The following SMIM10L2A variants were observed in gnomAD, a reference collection of about 807,000 sequenced individuals.
The protein encoded by SMIM10L2A is small integral membrane protein 10 like 2A.
Under a neutral mutation model 3.0 loss-of-function variants are expected in SMIM10L2A, and 2 were observed. The ratio of observed to expected loss-of-function variants is 0.66; its 90% CI spans 0.27 to 2.08. The LOEUF is 2.08. Ranked by LOEUF, SMIM10L2A falls within the 30% of genes most tolerant of loss-of-function variation. The pLI is 0.14. For synonymous variants in SMIM10L2A, 29 were observed against 34.8 expected (o/e 0.83, Z 0.58); for missense variants, 59 against 66.5 (o/e 0.89, Z 0.39).
At chrX:135,423,584 G>T (rs782437377) in intron 1 of SMIM10L2A, 49 bp from the exon 2 acceptor site, 5 of 114,033 alleles carry the variant, frequency 4.4e-5, no homozygotes, top group African/African-American at 1.6e-4. Flanking sequence ...GCAAGGACGT[G>T]TCTGGTGGCC....
rs894873335 is a variant in SMIM10L2A at position 135,427,716 on chromosome X, G to T, written c.*4446G>T. Reference sequence around the variant, plus strand: ...TATTATGTATTTTCCTACATCCAAAGCTACCTAGTATCTCTTTTGTATGAA... The same window carrying T: ...TATTATGTATTTTCCTACATCCAAATCTACCTAGTATCTCTTTTGTATGAA... On this transcript the variant is annotated 3_prime_UTR_variant, in exon 2 of 2. Coordinates refer to ENST00000417443, the MANE Select transcript of SMIM10L2A (RefSeq NM_203306.3). The T allele has an allele frequency of 1.2e-4, 14 of 112,323 alleles. No homozygotes were observed. The East Asian group carries it at 3.9e-3, about 31-fold the overall frequency. 9.3% of individuals were successfully genotyped at this position (112,323 alleles called of 1,213,427 possible).
chrX:135,422,089 A>C lies in SMIM10L2A; in HGVS notation c.-43A>C, dbSNP rs1176998280. Reference sequence around the variant, plus strand: ...CCCACCGCCCTGAGGCTCGCGCTCGAGCGGGTCAGTCGGTCGGCGGGGCCT... The same window carrying C: ...CCCACCGCCCTGAGGCTCGCGCTCGCGCGGGTCAGTCGGTCGGCGGGGCCT... On this transcript the variant is annotated 5_prime_UTR_variant, in exon 1 of 2. Coordinates refer to ENST00000417443, the MANE Select transcript of SMIM10L2A (RefSeq NM_203306.3). The C allele has an allele frequency of 1.3e-5, 4 of 313,735 alleles. No homozygotes were observed. The Admixed American group carries it at 2.6e-4, about 20-fold the overall frequency. 25.9% of individuals were successfully genotyped at this position (313,735 alleles called of 1,213,427 possible).
Position 135,423,013 on chromosome X carries a change from G to C in SMIM10L2A, c.*362+283G>C, listed in dbSNP as rs574097129. On this transcript the variant is annotated intron_variant, in intron 1 of 1. Transcript: ENST00000417443. ...TGTCCCCTGAACCCTGAGGAATGGA[G>C]GGTAATGGGCTGGGGGCGGCCCCGG... Among the ~76,000 whole-genome samples, 715 of 112,259 alleles carry C rather than the reference G, an allele frequency of 6.4e-3. 6 individuals carry two copies. The highest frequency in any genetic ancestry group is 0.021 in the South Asian group (57 of 2,725).
rs1444363503 is a variant in SMIM10L2A at position 135,428,056 on chromosome X, A to C, written c.*4786A>C. ...GTGGCAATTCTGATTCAATAGATTA[A>C]AAAATTTATTACTACCTTTCATTGC... On this transcript the variant is annotated 3_prime_UTR_variant, in exon 2 of 2. Transcript: ENST00000417443. 1 of 111,428 alleles carries C rather than the reference A, an allele frequency of 9.0e-6. No homozygotes were observed. The highest frequency in any genetic ancestry group is 3.3e-5 in the African/African-American group (1 of 30,563). The allele number at this position is 111,428 out of a possible 1,213,427, so 9.2% of individuals were successfully genotyped here.
Position 135,426,394 on chromosome X carries a change from G to A in SMIM10L2A, c.*3124G>A, listed in dbSNP as rs1387817245. The A allele has an allele frequency of 3.6e-5, 4 of 109,998 alleles. No homozygotes were observed. Among genetic ancestry groups the A allele is most frequent in the Admixed American group, 9.5e-5 (1 of 10,489 alleles). 9.1% of individuals were successfully genotyped at this position (109,998 alleles called of 1,213,427 possible). A position where few individuals can be genotyped will look rare whatever the true frequency, so the allele number is the denominator to read the frequency against. On this transcript the variant is annotated 3_prime_UTR_variant, in exon 2 of 2. Transcript: ENST00000417443. Reference sequence around the variant, plus strand: ...CAAAAGGCGGGGGAGGGAGGGCAGAGGGTAGTGTTAGAGGAAGCCCCATAG... The same window carrying A: ...CAAAAGGCGGGGGAGGGAGGGCAGAAGGTAGTGTTAGAGGAAGCCCCATAG...
Position 135,424,527 on chromosome X carries a change from T to TG in SMIM10L2A, c.*1262dup, listed in dbSNP as rs1434718564. 2.7e-5 allele frequency: 3 copies of TG among 111,363 alleles called. No homozygotes were observed. Among genetic ancestry groups the TG allele is most frequent in the Non-Finnish European group, 3.8e-5 (2 of 52,962 alleles). 9.2% of individuals were successfully genotyped at this position (111,363 alleles called of 1,213,427 possible). Reference sequence around the variant, plus strand: ...TCATCCTCACGGCTTGGATTGCTCCTGGGGGCCCCCTGGTGTGCTGCTAAC... The same window carrying TG: ...TCATCCTCACGGCTTGGATTGCTCCTGGGGGGCCCCCTGGTGTGCTGCTAAC... On this transcript the variant is annotated 3_prime_UTR_variant, in exon 2 of 2. Coordinates refer to ENST00000417443, the MANE Select transcript of SMIM10L2A (RefSeq NM_203306.3).
rs1202369271 is a variant in SMIM10L2A, at chrX:135,423,698, A to T, written c.*428A>T. The T allele has an allele frequency of 8.8e-6, 1 of 113,718 alleles. No individual in the cohort carries two copies. The highest frequency in any genetic ancestry group is 9.2e-5 in the Admixed American group (1 of 10,908). The allele number at this position is 113,718 out of a possible 1,213,427, so 9.4% of individuals were successfully genotyped here. Reference sequence around the variant, plus strand: ...CTTGCCAAGAGTCACATCCCTGCCCAGGGGCACCTCTGGCCCTGGAACTTG... The same window carrying T: ...CTTGCCAAGAGTCACATCCCTGCCCTGGGGCACCTCTGGCCCTGGAACTTG... On this transcript the variant is annotated 3_prime_UTR_variant, in exon 2 of 2. Coordinates refer to ENST00000417443, the MANE Select transcript of SMIM10L2A (RefSeq NM_203306.3).
At chrX:135,422,999 C>A (rs62599953) in intron 1 of SMIM10L2A, among the ~76,000 whole-genome samples, 4,418 of 109,933 alleles carry the variant, frequency 0.04, 104 homozygotes, top group Non-Finnish European at 0.061. Context: ...GTCCCCTGAA[C>A]CCTGAGGAAT....
chrX:135,421,945 T>A lies in SMIM10L2A; in HGVS notation c.-187T>A, dbSNP rs1317791803. On this transcript the variant is annotated 5_prime_UTR_variant, in exon 1 of 2. Transcript: ENST00000417443. ...GAGGAGGTGTGGAGGGGGCGGCGTG[T>A]GCGGGATCGTGGAGGTGGGGCCGAG... 5.0e-6 allele frequency: 1 copy of A among 200,883 alleles called. No individual in the cohort carries two copies. The allele number at this position is 200,883 out of a possible 1,213,427, so 16.6% of individuals were successfully genotyped here. A position where few individuals can be genotyped will look rare whatever the true frequency, so the allele number is the denominator to read the frequency against.
chrX:135,423,163 C>T (rs2085138716), intron 1 of SMIM10L2A, among the ~76,000 whole-genome samples: 1 of 112,425 alleles, frequency 8.9e-6, no homozygotes, highest in Admixed American at 9.3e-5. Flanking sequence ...CTGGGTCTCT[C>T]TGCAGCTCCT....
At position 135,427,456 on chromosome X, in the gene SMIM10L2A, G is replaced by A. The variant is rs2085157032; in HGVS notation, c.*4186G>A. The A allele has an allele frequency of 8.9e-6, 1 of 111,839 alleles. No homozygotes were observed. Among genetic ancestry groups the A allele is most frequent in the South Asian group, 3.7e-4 (1 of 2,675 alleles). The allele number at this position is 111,839 out of a possible 1,213,427, so 9.2% of individuals were successfully genotyped here. On this transcript the variant is annotated 3_prime_UTR_variant, in exon 2 of 2. Transcript: ENST00000417443. ...TGGGACCTAAGAGACTGAGTCAGGA[G>A]AGGGCAAGAAAGCAGCTAAGTGGGA... is the stretch of plus-strand genomic sequence containing the variant.
chrX:135,423,493 C>T (rs1276936200), intron 1 of SMIM10L2A, 140 bp from the exon 2 acceptor site: 2 of 113,718 alleles, frequency 1.8e-5, no homozygotes, highest in Non-Finnish European at 3.7e-5. Flanking sequence ...GGAGACCTGC[C>T]TGAGCACACA....
rs1556472129 is a variant in SMIM10L2A at position 135,427,671 on chromosome X, T to A, written c.*4401T>A. The A allele has an allele frequency of 8.9e-6, 1 of 112,542 alleles. No individual in the cohort carries two copies. The highest frequency in any genetic ancestry group is 1.9e-5 in the Non-Finnish European group (1 of 53,345). The allele number at this position is 112,542 out of a possible 1,213,427, so 9.3% of individuals were successfully genotyped here. ...TACTTTGAAATCTGATTCCGCTATT[T>A]CATGTTTGTCTTACCATGTTATTAT... On this transcript the variant is annotated 3_prime_UTR_variant, in exon 2 of 2. Transcript: ENST00000417443.
rs2085153751 is a variant in SMIM10L2A, at chrX:135,426,620, C to A, written c.*3350C>A. 8.8e-6 allele frequency: 1 copy of A among 113,164 alleles called. No homozygotes were observed. The allele number at this position is 113,164 out of a possible 1,213,427, so 9.3% of individuals were successfully genotyped here. On this transcript the variant is annotated 3_prime_UTR_variant, in exon 2 of 2. Transcript: ENST00000417443. The stretch of plus-strand genomic sequence containing the variant: ...CATCTGCCACCACAGGAGAAATGGA[C>A]CCCAGTCCTTGATCTTCCCTCCCCT...
rs782154415 is a variant in SMIM10L2A, at chrX:135,425,900, C to T, written c.*2630C>T. ...GGCTGGGGGAGGCTGTGGCAGGGAC[C>T]GTGTTTCCTGTTCAGAGGCTGTGCT... On this transcript the variant is annotated 3_prime_UTR_variant, in exon 2 of 2. Coordinates refer to ENST00000417443, the MANE Select transcript of SMIM10L2A (RefSeq NM_203306.3). 9.0e-6 allele frequency: 1 copy of T among 111,087 alleles called. No individual in the cohort carries two copies. The highest frequency in any genetic ancestry group is 3.9e-4 in the South Asian group (1 of 2,579). 9.2% of individuals were successfully genotyped at this position (111,087 alleles called of 1,213,427 possible). A position where few individuals can be genotyped will look rare whatever the true frequency, so the allele number is the denominator to read the frequency against.
Position 135,426,911 on chromosome X carries a change from T to G in SMIM10L2A, c.*3641T>G, listed in dbSNP as rs2085155032. 8.8e-6 allele frequency: 1 copy of G among 113,173 alleles called. No individual in the cohort carries two copies. The highest frequency in any genetic ancestry group is 1.9e-5 in the Non-Finnish European group (1 of 53,379). 9.3% of individuals were successfully genotyped at this position (113,173 alleles called of 1,213,427 possible). Reference sequence around the variant, plus strand: ...GCTGTGCACAACCTGGAGTTTTTAGTAAGGTTCCGTTGGGATGCTTGTAAG... The same window carrying G: ...GCTGTGCACAACCTGGAGTTTTTAGGAAGGTTCCGTTGGGATGCTTGTAAG... On this transcript the variant is annotated 3_prime_UTR_variant, in exon 2 of 2. Transcript: ENST00000417443.
Position 135,426,377 on chromosome X carries a change from G to C in SMIM10L2A, c.*3107G>C, listed in dbSNP as rs372261701. ...AAGGGTTGGCAAGCAGGCAAAAGGCGGGGGAGGGAGGGCAGAGGGTAGTGT... is the reference window on the plus strand; with the variant it reads ...AAGGGTTGGCAAGCAGGCAAAAGGCCGGGGAGGGAGGGCAGAGGGTAGTGT... On this transcript the variant is annotated 3_prime_UTR_variant, in exon 2 of 2. Coordinates refer to ENST00000417443, the MANE Select transcript of SMIM10L2A (RefSeq NM_203306.3). The C allele has an allele frequency of 9.1e-5, 10 of 110,025 alleles. No individual in the cohort carries two copies. The highest frequency in any genetic ancestry group is 3.3e-4 in the African/African-American group (10 of 30,122). The allele number at this position is 110,025 out of a possible 1,213,427, so 9.1% of individuals were successfully genotyped here.
intron 1 of SMIM10L2A, among the ~76,000 whole-genome samples, chrX:135,423,122 T>C (rs1281717178): frequency 8.9e-6 from 1 of 112,215 alleles, no homozygotes; most frequent in Non-Finnish European, 1.9e-5. Context: ...TCTTCTAGGT[T>C]GAGCCCCATA....
chrX:135,427,551 A>T lies in SMIM10L2A; in HGVS notation c.*4281A>T, dbSNP rs1249911652. The T allele has an allele frequency of 9.0e-6, 1 of 111,198 alleles. No homozygotes were observed. The highest frequency in any genetic ancestry group is 1.9e-5 in the Non-Finnish European group (1 of 52,943). The allele number at this position is 111,198 out of a possible 1,213,427, so 9.2% of individuals were successfully genotyped here. A position where few individuals can be genotyped will look rare whatever the true frequency, so the allele number is the denominator to read the frequency against. ...CAAACAGCATGCAAAATCACATCCT[A>T]CTCCTACCCACCCCACTCCCAAGGG... On this transcript the variant is annotated 3_prime_UTR_variant, in exon 2 of 2. Transcript: ENST00000417443.
Sources: gnomAD v4.1 joint callset for allele counts (sites outside exome capture counted in the v4.1 genomes callset) on GRCh38, gnomAD v4.1.1 for gene constraint, MANE v1.5 for transcripts, NCBI Gene and HGNC (gene_info 2026-07-23, HGNC 2026-07-21) for gene names.